The following BANK1 variants were observed in gnomAD, a reference collection of about 807,000 sequenced individuals.
BANK1 encodes the protein B cell scaffold protein with ankyrin repeats 1.
In BANK1, 95 loss-of-function variants were observed where a neutral mutation model predicts 94.5. The ratio of observed to expected loss-of-function variants is 1.00; its 90% CI spans 0.85 to 1.19. The LOEUF is 1.19. Among genes scored for constraint, BANK1 ranks in the 50% most tolerant of loss-of-function variants. The pLI, the probability that BANK1 is intolerant of heterozygous loss-of-function variation, is 0.00. For synonymous variants in BANK1, 334 were observed against 308.4 expected (o/e 1.08, Z -0.87); for missense variants, 987 against 932.2 (o/e 1.06, Z -0.77).
chr4:101,868,992 T>C (rs538671599), intron 4 of BANK1, among the ~76,000 whole-genome samples: 13 of 151,990 alleles, frequency 8.6e-5, no homozygotes, highest in Non-Finnish European at 1.6e-4. Context: ...CAGTAAAATT[T>C]TGAGTTAACT....
In BANK1 at chr4:101,986,255, C is replaced by T. The variant is rs558968370; in HGVS notation, c.1207-35259C>T. On this transcript the variant is annotated intron_variant, in intron 7 of 16. Transcript: ENST00000322953. ...AGACACACATGTTCCTAAAATAGAG[C>T]TTAAGTATTAGACAACAGAAACATA... Among the ~76,000 whole-genome samples the T allele has an allele frequency of 5.3e-5, 8 of 152,134 alleles. No homozygotes were observed. In the South Asian group the frequency reaches 1.7e-3, roughly 32 times the overall value.
At position 101,920,991 on chromosome 4, in the gene BANK1, TAGG is replaced by T. The variant is rs1315726201; in HGVS notation, c.1206+2805_1206+2807del. 2.0e-5 allele frequency among the ~76,000 whole-genome samples: 3 copies of T among 150,980 alleles called. No individual in the cohort carries two copies. The East Asian group carries it at 5.9e-4, about 30-fold the overall frequency. ...AAGAGAAAGGAGAGAAGGAGGAGAG[TAGG>T]AGAAGAAGGGGGCCTGAAATCACAT... On this transcript the variant is annotated intron_variant, in intron 7 of 16. Coordinates refer to ENST00000322953, the MANE Select transcript of BANK1 (RefSeq NM_017935.5).
chr4:101,974,793 CAAA>C (rs5860706), intron 7 of BANK1, among the ~76,000 whole-genome samples: 1 of 146,550 alleles, frequency 6.8e-6, no homozygotes. Flanking sequence ...ACTAAAAATA[CAAA>C]AAAAAAAAAA....
Position 102,042,144 on chromosome 4 carries a change from C to T in BANK1, c.1901-1695C>T, listed in dbSNP as rs941226754. On this transcript the variant is annotated intron_variant, in intron 10 of 16. Transcript: ENST00000322953. ...CAATATTGGCAAAAAAGCATAGAGACCACGTTATTAAAATTTTTAAAGCAT... is the reference window on the plus strand; with the variant it reads ...CAATATTGGCAAAAAAGCATAGAGATCACGTTATTAAAATTTTTAAAGCAT... Among the ~76,000 whole-genome samples the T allele has an allele frequency of 5.9e-5, 9 of 151,862 alleles. No homozygotes were observed. In the East Asian group the frequency reaches 1.7e-3, roughly 29 times the overall value.
At chr4:102,073,237 G>GTA (rs35992866) in intron 15 of BANK1, among the ~76,000 whole-genome samples, 3,590 of 148,032 alleles carry the variant, frequency 0.024, 117 homozygotes, top group African/African-American at 0.072. Flanking sequence ...GTGCATATAT[G>GTA]TATATATATA....
chr4:102,011,259 T>A (rs753464513), intron 7 of BANK1, among the ~76,000 whole-genome samples: 25 of 152,256 alleles, frequency 1.6e-4, no homozygotes, highest in Non-Finnish European at 2.8e-4. Context: ...TCACAGGAGT[T>A]GCTTCTAAAT....
chr4:102,052,180 C>T (rs1272858571), intron 11 of BANK1, among the ~76,000 whole-genome samples: 1 of 144,830 alleles, frequency 6.9e-6, no homozygotes, highest in East Asian at 2.0e-4. Flanking sequence ...TAGAGTGACA[C>T]GATCTTGGCT....
intron 6 of BANK1, among the ~76,000 whole-genome samples, chr4:101,908,437 T>C (rs2148896327): frequency 6.6e-6 from 1 of 152,240 alleles, no homozygotes. Flanking sequence ...ATGTGAGACG[T>C]AAAACCATAA....
At chr4:101,930,188 A>G (rs917498059) in intron 7 of BANK1, among the ~76,000 whole-genome samples, 5 of 151,292 alleles carry the variant, frequency 3.3e-5, no homozygotes, top group African/African-American at 9.7e-5. Context: ...TCATCATTGT[A>G]TCTGCCATGT....
intron 7 of BANK1, among the ~76,000 whole-genome samples, chr4:102,017,994 T>C (rs1340032372): frequency 2.0e-5 from 3 of 152,166 alleles, no homozygotes; most frequent in Non-Finnish European, 4.4e-5. Flanking sequence ...GAAACTTTCA[T>C]GGGAAATTAT....
intron 1 of BANK1, chr4:101,813,994 G>A (rs905288332): frequency 3.6e-5 from 23 of 637,762 alleles, no homozygotes; most frequent in Admixed American, 1.3e-4. Flanking sequence ...CCATTGATAC[G>A]TATGATATAA....
At chr4:101,998,858 G>T (rs1193833248) in intron 7 of BANK1, among the ~76,000 whole-genome samples, 4 of 151,976 alleles carry the variant, frequency 2.6e-5, no homozygotes, top group Non-Finnish European at 4.4e-5. Context: ...ATTATTAGTT[G>T]TCTCTCTGGT....
intron 2 of BANK1, among the ~76,000 whole-genome samples, chr4:101,848,978 C>T (rs542138152): frequency 3.5e-4 from 53 of 152,274 alleles, no homozygotes; most frequent in African/African-American, 1.2e-3. Flanking sequence ...TGCTGAGCCA[C>T]GGAGGCAACT....
chr4:101,835,658 C>G (rs1359382241), intron 2 of BANK1, among the ~76,000 whole-genome samples: 1 of 152,130 alleles, frequency 6.6e-6, no homozygotes, highest in African/African-American at 2.4e-5. Flanking sequence ...CATTGTTTTC[C>G]TTTCTTTCTG....
chr4:101,942,319 A>G (rs77855267), intron 7 of BANK1, among the ~76,000 whole-genome samples: 12 of 151,864 alleles, frequency 7.9e-5, no homozygotes, highest in Non-Finnish European at 1.5e-4. Flanking sequence ...AGCCTTCTTC[A>G]TCGACACAGT....
intron 7 of BANK1, among the ~76,000 whole-genome samples, chr4:101,947,090 AG>A (rs577787815): frequency 1.5e-4 from 22 of 151,704 alleles, no homozygotes; most frequent in South Asian, 2.1e-4. Flanking sequence ...TACTCACCTG[AG>A]GACTAAGCAT....
intron 10 of BANK1, among the ~76,000 whole-genome samples, chr4:102,034,244 A>G (rs192905177): frequency 8.6e-4 from 131 of 152,324 alleles, no homozygotes; most frequent in African/African-American, 3.1e-3. Flanking sequence ...GGAATGCAGA[A>G]TCCCATCTTA....
chr4:102,010,160 G>C (rs1375163129), intron 7 of BANK1, among the ~76,000 whole-genome samples: 1 of 151,714 alleles, frequency 6.6e-6, no homozygotes, highest in Non-Finnish European at 1.5e-5. Flanking sequence ...AGCTACTCGG[G>C]AGGCTGAGGC....
intron 7 of BANK1, among the ~76,000 whole-genome samples, chr4:101,932,779 G>T (rs1723401807): frequency 6.6e-6 from 1 of 151,470 alleles, no homozygotes; most frequent in Admixed American, 6.6e-5. Context: ...GAACAGAGAG[G>T]TGCTCTTTTC....
Sources: allele counts gnomAD v4.1 joint callset (sites outside exome capture counted in the v4.1 genomes callset), GRCh38; gene constraint gnomAD v4.1.1; transcripts MANE v1.5; gene names NCBI Gene and HGNC (gene_info 2026-07-23, HGNC 2026-07-21).